Variants in PTPN4 observed in about 807,000 individuals in gnomAD.
PTPN4 encodes the protein tyrosine-protein phosphatase non-receptor type 4.
PTPN4 carries 49 observed loss-of-function variants against 135.5 expected under a neutral mutation model. The ratio of observed to expected loss-of-function variants is 0.36; its 90% CI spans 0.29 to 0.46. PTPN4 has a LOEUF of 0.46. PTPN4 is among the 20% of genes least tolerant of loss of function. The pLI is 1.00. For missense variants in PTPN4, 860 were observed against 1,101.0 expected (o/e 0.78, Z 3.10); for synonymous variants, 333 against 369.9 (o/e 0.90, Z 1.14).
chr2:119,903,453 C>T (rs1052453848), intron 10 of PTPN4, among the ~76,000 whole-genome samples: 1 of 151,996 alleles, frequency 6.6e-6, no homozygotes, highest in African/African-American at 2.4e-5. Context: ...TGAGGGCCCT[C>T]ACGTGACATC....
chr2:119,863,910 G>A (rs1677795035), intron 3 of PTPN4, among the ~76,000 whole-genome samples: 1 of 152,148 alleles, frequency 6.6e-6, no homozygotes, highest in South Asian at 2.1e-4. Context: ...GAAGTGAGTA[G>A]AAATGTCAGT....
chr2:119,844,467 C>A (rs1450454259), intron 2 of PTPN4, among the ~76,000 whole-genome samples: 5 of 143,514 alleles, frequency 3.5e-5, no homozygotes, highest in Admixed American at 6.8e-5. Flanking sequence ...GGGGCAGCTG[C>A]CGGGCGGAGG....
intron 1 of PTPN4, among the ~76,000 whole-genome samples, chr2:119,774,555 A>G (rs1690796399): frequency 1.3e-5 from 2 of 152,244 alleles, no homozygotes; most frequent in Admixed American, 6.5e-5. Context: ...GATTTGAGTA[A>G]AAGCAAAGTC....
At chr2:119,907,046 T>C (rs1678499929) in intron 10 of PTPN4, among the ~76,000 whole-genome samples, 1 of 152,030 alleles carries the variant, frequency 6.6e-6, no homozygotes, top group African/African-American at 2.4e-5. Context: ...AAGAACGCAA[T>C]CTCATTTACA....
intron 8 of PTPN4, among the ~76,000 whole-genome samples, chr2:119,883,745 A>G (rs1400389034): frequency 1.3e-5 from 2 of 152,202 alleles, no homozygotes; most frequent in Non-Finnish European, 2.9e-5. Flanking sequence ...AAAAGTATCT[A>G]TCTCTGGAGT....
intron 1 of PTPN4, among the ~76,000 whole-genome samples, chr2:119,779,680 T>C (rs2104927255): frequency 6.6e-6 from 1 of 152,152 alleles, no homozygotes. Flanking sequence ...TGATTGATGA[T>C]TTTTGATAAC....
At chr2:119,881,464 C>G (rs1162679433) in intron 5 of PTPN4, among the ~76,000 whole-genome samples, 1 of 152,150 alleles carries the variant, frequency 6.6e-6, no homozygotes, top group Admixed American at 6.5e-5. Context: ...TCTATGCTTC[C>G]CACTTCTTTC....
At chr2:119,781,748 A>G (rs372447045) in intron 1 of PTPN4, among the ~76,000 whole-genome samples, 12 of 152,226 alleles carry the variant, frequency 7.9e-5, no homozygotes, top group Non-Finnish European at 1.3e-4. Flanking sequence ...AATTTAGAAT[A>G]CAGCCATACT....
chr2:119,773,658 C>A (rs1690774676), intron 1 of PTPN4, among the ~76,000 whole-genome samples: 1 of 151,120 alleles, frequency 6.6e-6, no homozygotes, highest in African/African-American at 2.4e-5. Context: ...ATCACTTGAA[C>A]CCAGGAGGCA....
chr2:119,782,852 T>C (rs1039598088), intron 1 of PTPN4, among the ~76,000 whole-genome samples: 1 of 147,454 alleles, frequency 6.8e-6, no homozygotes, highest in African/African-American at 2.6e-5. Flanking sequence ...ACCACAGGCA[T>C]GTACCACTAC....
At chr2:119,798,141 A>G (rs1691295627) in intron 1 of PTPN4, among the ~76,000 whole-genome samples, 1 of 151,798 alleles carries the variant, frequency 6.6e-6, no homozygotes, top group African/African-American at 2.4e-5. Context: ...AGCTGTTTAT[A>G]CATATATACC....
chr2:119,969,260 A>C (rs867625161), intron 26 of PTPN4, among the ~76,000 whole-genome samples: 12 of 152,220 alleles, frequency 7.9e-5, no homozygotes, highest in Non-Finnish European at 1.3e-4. Context: ...CTGTCCTGCC[A>C]CCTCAGCCTC....
chr2:119,868,097 A>G (rs1677858808), intron 3 of PTPN4, among the ~76,000 whole-genome samples: 1 of 152,186 alleles, frequency 6.6e-6, no homozygotes, highest in South Asian at 2.1e-4. Flanking sequence ...AATTACAGAG[A>G]ATAAAATTCA....
chr2:119,788,097 AC>A (rs1691078112), intron 1 of PTPN4, among the ~76,000 whole-genome samples: 1 of 152,102 alleles, frequency 6.6e-6, no homozygotes, highest in Non-Finnish European at 1.5e-5. Context: ...TTAAAAATTT[AC>A]CCTTGTTACA....
intron 9 of PTPN4, among the ~76,000 whole-genome samples, chr2:119,894,808 C>T (rs1678293216): frequency 6.6e-6 from 1 of 152,006 alleles, no homozygotes; most frequent in Admixed American, 6.6e-5. Context: ...TATAGGTGAT[C>T]AATATTATGC....
chr2:119,932,511 A>G lies in PTPN4; in HGVS notation c.1158A>G (p.Gln386=). 1 of 1,612,322 alleles carries G rather than the reference A, an allele frequency of 6.2e-7. No homozygotes were observed. Among genetic ancestry groups the G allele is most frequent in the Non-Finnish European group, 8.5e-7 (1 of 1,178,704 alleles). ...NSISDDRLET[Q]SLPSRSPPGT... Reference sequence around the variant, plus strand: ...TATCTGATGACAGGTTAGAAACACAAAGTCTTCCATCACGATCTCCACCGG... The same window carrying G: ...TATCTGATGACAGGTTAGAAACACAGAGTCTTCCATCACGATCTCCACCGG... The change falls in exon 14 of 27, where the codon CAA becomes CAG. Residue 386 remains glutamine (Q), a synonymous_variant. Transcript: ENST00000263708.
intron 2 of PTPN4, among the ~76,000 whole-genome samples, chr2:119,843,218 CTTTT>C (rs779045976): frequency 9.3e-6 from 1 of 107,290 alleles, no homozygotes; most frequent in Non-Finnish European, 1.9e-5. Context: ...ATGCATTTTT[CTTTT>C]TTTTTTTTTT....
chr2:119,853,994 G>A (rs1452358408), intron 2 of PTPN4, among the ~76,000 whole-genome samples: 2 of 152,198 alleles, frequency 1.3e-5, no homozygotes, highest in East Asian at 1.9e-4. Context: ...GCGGGGCTCT[G>A]AACGAAGAGG....
chr2:119,973,031 A>G (rs1488009918), intron 26 of PTPN4, among the ~76,000 whole-genome samples: 3 of 152,136 alleles, frequency 2.0e-5, no homozygotes, highest in Non-Finnish European at 4.4e-5. Flanking sequence ...AAATACACAT[A>G]ACATAAAATT....
Sources: gnomAD v4.1 joint callset for allele counts (sites outside exome capture counted in the v4.1 genomes callset) on GRCh38, gnomAD v4.1.1 for gene constraint, MANE v1.5 for transcripts, NCBI Gene and HGNC (gene_info 2026-07-23, HGNC 2026-07-21) for gene names.